FBXO9: variants seen among roughly 807,000 people sequenced by gnomAD.
FBXO9 encodes the protein F-box only protein 9.
FBXO9 carries 43 observed loss-of-function variants against 63.7 expected under a neutral mutation model. The observed-to-expected ratio is 0.67, with a 90% confidence interval of 0.53 to 0.87. FBXO9 has a LOEUF of 0.87. Ranked by LOEUF, FBXO9 falls within the 40% of genes least tolerant of loss-of-function variation. FBXO9 has a pLI of 0.00. For synonymous variants in FBXO9, 156 were observed against 171.7 expected (o/e 0.91, Z 0.72); for missense variants, 442 against 533.2 (o/e 0.83, Z 1.68).
At chr6:53,092,276 A>G (rs942193622) in intron 7 of FBXO9, 153 bp from the exon 8 acceptor site, 3 of 590,754 alleles carry the variant, frequency 5.1e-6, no homozygotes, top group Non-Finnish European at 9.1e-6. Flanking sequence ...GTAAAAGAGC[A>G]GGGCCTTTGC....
rs1768890366 is a variant in FBXO9, at chr6:53,070,869, G to T, written c.4-188G>T. The T allele has an allele frequency of 4.6e-6, 4 of 869,406 alleles. No homozygotes were observed. In the South Asian group the frequency reaches 9.4e-5, roughly 21 times the overall value. The allele number at this position is 869,406 out of a possible 1,614,324, so 53.9% of individuals were successfully genotyped here. On this transcript the variant is annotated intron_variant, in intron 1 of 12. Transcript: ENST00000323557. ...GTTGGAGTAGAGAATATGCTTTTCA[G>T]ACTCATTTTCCTTTGGAAATTAATA...
chr6:53,069,248 CA>C (rs899722300), intron 1 of FBXO9, among the ~76,000 whole-genome samples: 2 of 151,872 alleles, frequency 1.3e-5, no homozygotes, highest in African/African-American at 4.8e-5. Context: ...TCTACAGTAT[CA>C]AAAAAAATTC....
rs767486484 is a variant in FBXO9 at position 53,088,229 on chromosome 6, CAT to C, written c.654-4199_654-4198del. Among the ~76,000 whole-genome samples, 107 of 152,214 alleles carry C rather than the reference CAT, an allele frequency of 7.0e-4. 1 individual carries two copies. The highest frequency in any genetic ancestry group is 2.1e-3 in the Admixed American group (32 of 15,292). On this transcript the variant is annotated intron_variant, in intron 7 of 12. Transcript: ENST00000323557. ...TTCTTCATTATTTAATCTTGGTTCA[CAT>C]GTCATAAGCAGTGAGTTTTATCTCA...
chr6:53,081,113 T>C lies in FBXO9; in HGVS notation c.538+15T>C. The C allele has an allele frequency of 6.3e-7, 1 of 1,597,672 alleles. No individual in the cohort carries two copies. The highest frequency in any genetic ancestry group is 8.5e-7 in the Non-Finnish European group (1 of 1,176,074). On this transcript the variant is annotated intron_variant, in intron 6 of 12. Coordinates refer to ENST00000323557, the MANE Select transcript of FBXO9 (RefSeq NM_033480.3). ...TCACATATCAGGTGTGAATACTTGT[T>C]TTTCATAACTCAGTGAGAAATATCT...
intron 4 of FBXO9, among the ~76,000 whole-genome samples, chr6:53,078,187 C>T (rs901280617): frequency 6.6e-6 from 1 of 152,218 alleles, no homozygotes; most frequent in African/African-American, 2.4e-5. Flanking sequence ...GGCATGGTAG[C>T]TGACACCTCT....
intron 12 of FBXO9, 73 bp downstream of exon 12, chr6:53,095,737 A>G: frequency 1.4e-6 from 2 of 1,385,292 alleles, no homozygotes; most frequent in Non-Finnish European, 9.8e-7. Context: ...AGAATTTCAG[A>G]TATGTTTCTA....
chr6:53,075,733 A>AT (rs1562065220), intron 3 of FBXO9, among the ~76,000 whole-genome samples: 18 of 51,374 alleles, frequency 3.5e-4, no homozygotes, highest in East Asian at 1.4e-3. Flanking sequence ...ATATATATAT[A>AT]ATTATTTTTT....
At chr6:53,075,926 T>C (rs1769092544) in intron 3 of FBXO9, among the ~76,000 whole-genome samples, 1 of 151,708 alleles carries the variant, frequency 6.6e-6, no homozygotes, top group Non-Finnish European at 1.5e-5. Flanking sequence ...GTATTTTTAG[T>C]ACAGATGGGG....
At chr6:53,088,246 G>T (rs1762949756) in intron 7 of FBXO9, among the ~76,000 whole-genome samples, 1 of 152,154 alleles carries the variant, frequency 6.6e-6, no homozygotes, top group African/African-American at 2.4e-5. Flanking sequence ...TAAGCAGTGA[G>T]TTTTATCTCA....
At position 53,100,509 on chromosome 6, in the gene FBXO9, AC is replaced by A. The variant is rs1763320609; in HGVS notation, c.*2683del. On this transcript the variant is annotated 3_prime_UTR_variant, in exon 13 of 13. Coordinates refer to ENST00000323557, the MANE Select transcript of FBXO9 (RefSeq NM_033480.3). Reference sequence around the variant, plus strand: ...GCATTTTCCTCCCAGCCCCCTTCCTACCCCTTAGCAGAGGGCCAGGTGAGGG... The same window carrying A: ...GCATTTTCCTCCCAGCCCCCTTCCTACCCTTAGCAGAGGGCCAGGTGAGGG... 6.6e-6 allele frequency: 1 copy of A among 151,478 alleles called. No homozygotes were observed. The allele number at this position is 151,478 out of a possible 1,614,324, so 9.4% of individuals were successfully genotyped here. A position where few individuals can be genotyped will look rare whatever the true frequency, so the allele number is the denominator to read the frequency against.
intron 4 of FBXO9, among the ~76,000 whole-genome samples, chr6:53,077,514 A>C (rs984375658): frequency 6.7e-6 from 1 of 150,194 alleles, no homozygotes; most frequent in Non-Finnish European, 1.5e-5. Context: ...ATATGTGGTA[A>C]TATATGTGTC....
At chr6:53,094,054 C>T in intron 11 of FBXO9, 76 bp downstream of exon 11, 1 of 819,600 alleles carries the variant, frequency 1.2e-6, no homozygotes, top group East Asian at 2.9e-5. Context: ...ATTAGAACAA[C>T]AACAAAAAAA....
rs564583317 is a variant in FBXO9, at chr6:53,082,536, C to T, written c.571C>T (p.Arg191Ter). Residue 191 changes from arginine to a stop codon, truncating the protein, a stop_gained, in exon 7 of 13, where the codon CGA (arginine) becomes TGA (stop). Coordinates refer to ENST00000323557, the MANE Select transcript of FBXO9 (RefSeq NM_033480.3). LOFTEE classifies it high-confidence loss of function. ...LPMEVLMYIF[R>*]WVVSSDLDLR... ...AATGGAGGTCCTGATGTACATCTTC[C>T]GATGGGTGGTGTCTAGTGACTTGGA... 3.7e-6 allele frequency: 6 copies of T among 1,613,718 alleles called. No individual in the cohort carries two copies. Among genetic ancestry groups the T allele is most frequent in the South Asian group, 2.2e-5 (2 of 91,066 alleles).
At chr6:53,091,192 C>T (rs1273467781) in intron 7 of FBXO9, 1 of 152,228 alleles carries the variant, frequency 6.6e-6, no homozygotes, top group Admixed American at 6.5e-5. Flanking sequence ...CCATGCTGAT[C>T]AGTAGTGGGA....
In FBXO9 at chr6:53,073,466, C is replaced by T; in HGVS notation, c.91-15C>T. 6.2e-7 allele frequency: 1 copy of T among 1,610,998 alleles called. No individual in the cohort carries two copies. The highest frequency in any genetic ancestry group is 1.1e-5 in the South Asian group (1 of 90,764). ...CCCTTCCTTGATGAGTCCTAAAATGCTGTTCTCCCCATAGGCACAACTCCA... is the reference window on the plus strand; with the variant it reads ...CCCTTCCTTGATGAGTCCTAAAATGTTGTTCTCCCCATAGGCACAACTCCA... On this transcript the variant is annotated splice_polypyrimidine_tract_variant and intron_variant, in intron 2 of 12. Coordinates refer to ENST00000323557, the MANE Select transcript of FBXO9 (RefSeq NM_033480.3).
At chr6:53,069,256 A>G (rs1392877456) in intron 1 of FBXO9, among the ~76,000 whole-genome samples, 3 of 152,260 alleles carry the variant, frequency 2.0e-5, no homozygotes, top group Admixed American at 6.5e-5. Context: ...ATCAAAAAAA[A>G]TTCAAGTATC....
At chr6:53,097,176 G>C (rs965666676) in intron 12 of FBXO9, among the ~76,000 whole-genome samples, 7 of 151,862 alleles carry the variant, frequency 4.6e-5, no homozygotes. Context: ...TTATGCTGTT[G>C]ATCATGCAAT....
chr6:53,095,725 T>A, intron 12 of FBXO9, 61 bp downstream of exon 12: 1 of 1,425,210 alleles, frequency 7.0e-7, no homozygotes. Flanking sequence ...GTATCCAGCT[T>A]AAGAATTTCA....
chr6:53,071,129 G>A lies in FBXO9; in HGVS notation c.76G>A (p.Glu26Lys). 6.4e-7 allele frequency: 1 copy of A among 1,561,636 alleles called. No homozygotes were observed. The highest frequency in any genetic ancestry group is 1.2e-5 in the South Asian group (1 of 84,738). The change falls in exon 2 of 13, where the codon GAA becomes AAA. Residue 26 changes from glutamate (E) to lysine (K), a missense_variant. Transcript: ENST00000323557. ...DDDEENESPA[E>K]TDLQAQLQMF... ...TGATGAAGAAAATGAAAGTCCTGCT[G>A]AAACAGATCTGCAGGCATGTTTCTT... is the stretch of plus-strand genomic sequence containing the variant.
Sources: gnomAD v4.1 joint callset for allele counts (sites outside exome capture counted in the v4.1 genomes callset) on GRCh38, gnomAD v4.1.1 for gene constraint, MANE v1.5 for transcripts, NCBI Gene and HGNC (gene_info 2026-07-23, HGNC 2026-07-21) for gene names.